Variants in FANCB observed in about 807,000 individuals in gnomAD.
The protein encoded by FANCB is FA complementation group B, also known as Fanconi anemia group B protein.
FANCB carries 5 observed loss-of-function variants against 38.9 expected under a neutral mutation model. The observed-to-expected ratio is 0.13, with a 90% CI of 0.07 to 0.27. The LOEUF (loss-of-function observed/expected upper bound fraction) is 0.27, where lower values mean the gene tolerates loss of function less well. FANCB is among the 10% of genes least tolerant of loss of function. The pLI, the probability that FANCB is intolerant of heterozygous loss-of-function variation, is 1.00. For synonymous variants in FANCB, 236 were observed against 215.4 expected, an observed-to-expected ratio of 1.10 and a Z score of -0.84; for missense variants, 573 against 602.7, an observed-to-expected ratio of 0.95 and a Z score of 0.52.
At chrX:14,859,761 G>C (rs972141048) in intron 3 of FANCB, among the ~76,000 whole-genome samples, 8 of 111,841 alleles carry the variant, frequency 7.2e-5, no homozygotes, top group Admixed American at 1.9e-4. Context: ...TAGTGTATAT[G>C]TATTTATGAT....
At chrX:14,749,467 T>G in the FANCB span, among the ~76,000 whole-genome samples, 2 of 111,515 alleles carry the variant, frequency 1.8e-5, no homozygotes, top group African/African-American at 6.5e-5. Flanking sequence ...TGCCAGATAT[T>G]GTTATGTAGT....
the FANCB span, among the ~76,000 whole-genome samples, chrX:14,798,564 A>C: frequency 8.9e-6 from 1 of 112,604 alleles, no homozygotes; most frequent in African/African-American, 3.2e-5. Context: ...TCAAAATCAT[A>C]TGTAGTCTAA....
chrX:14,849,863 A>G (rs2092393333), intron 7 of FANCB, among the ~76,000 whole-genome samples: 1 of 112,035 alleles, frequency 8.9e-6, no homozygotes, highest in African/African-American at 3.2e-5. Context: ...CCAAGAGAGT[A>G]GCTATTAGAT....
chrX:14,734,371 T>A, the FANCB span, among the ~76,000 whole-genome samples: 1 of 112,516 alleles, frequency 8.9e-6, no homozygotes, highest in Non-Finnish European at 1.9e-5. Flanking sequence ...TGGTTTTTCC[T>A]TTCCCTATTT....
downstream of FANCB, among the ~76,000 whole-genome samples, chrX:14,833,916 G>A (rs2092334249): frequency 8.9e-6 from 1 of 111,846 alleles, no homozygotes; most frequent in South Asian, 3.7e-4. Flanking sequence ...GATCACTTGT[G>A]CCTGGGAGGT....
intron 7 of FANCB, among the ~76,000 whole-genome samples, chrX:14,849,436 C>T (rs2092391500): frequency 9.0e-6 from 1 of 111,709 alleles, no homozygotes; most frequent in Non-Finnish European, 1.9e-5. Flanking sequence ...AAATATACTG[C>T]CATCACCTAT....
the FANCB span, among the ~76,000 whole-genome samples, chrX:14,823,222 A>G: frequency 9.3e-6 from 1 of 107,076 alleles, no homozygotes; most frequent in Non-Finnish European, 1.9e-5. Flanking sequence ...AGCTGGGATT[A>G]CAGGCATGCA....
the FANCB span, among the ~76,000 whole-genome samples, chrX:14,767,877 G>A: frequency 2.7e-5 from 3 of 112,032 alleles, no homozygotes; most frequent in Non-Finnish European, 3.8e-5. Flanking sequence ...TGCAAGGAAG[G>A]AGTCCAGTTT....
At chrX:14,860,337 CAG>C (rs749140876) in intron 3 of FANCB, among the ~76,000 whole-genome samples, 5 of 112,156 alleles carry the variant, frequency 4.5e-5, no homozygotes, top group East Asian at 5.6e-4. Flanking sequence ...TTCACTTGTG[CAG>C]AGAGACAGCT....
chrX:14,690,607 C>A, the FANCB span: 1 of 538,566 alleles, frequency 1.9e-6, no homozygotes, highest in Non-Finnish European at 3.1e-6. Flanking sequence ...GGTTATTTTG[C>A]TGCTCACACC....
chrX:14,775,176 T>TTTTG, the FANCB span, among the ~76,000 whole-genome samples: 1 of 97,692 alleles, frequency 1.0e-5, no homozygotes, highest in Non-Finnish European at 2.1e-5. Context: ...TTTTTTTTTT[T>TTTTG]TTTTTTTTTT....
the FANCB span, among the ~76,000 whole-genome samples, chrX:14,765,397 A>C: frequency 1.8e-5 from 2 of 111,917 alleles, no homozygotes; most frequent in African/African-American, 6.5e-5. Flanking sequence ...AGGACTAATA[A>C]AATATGTAAC....
At chrX:14,813,771 A>G in the FANCB span, among the ~76,000 whole-genome samples, 1 of 111,937 alleles carries the variant, frequency 8.9e-6, no homozygotes, top group Admixed American at 9.5e-5. Flanking sequence ...TATAGATTCA[A>G]TGCCATCCCC....
At chrX:14,847,659 A>G (rs1381445298) in intron 7 of FANCB, among the ~76,000 whole-genome samples, 1 of 111,402 alleles carries the variant, frequency 9.0e-6, no homozygotes, top group Non-Finnish European at 1.9e-5. Flanking sequence ...AGGAAAAAAA[A>G]AAAAAGAAAT....
Position 14,844,084 on chromosome X carries a change from AT to A in FANCB, c.2166-104del, listed in dbSNP as rs1180461738. 1.5e-5 allele frequency: 10 copies of A among 671,181 alleles called. No homozygotes were observed. The East Asian group carries it at 2.7e-4, about 18-fold the overall frequency. 55.3% of individuals were successfully genotyped at this position (671,181 alleles called of 1,213,427 possible). ...CAATTAATATTCATTTATAAACACC[AT>A]AATGATAAACAGAACCAATTATGTA... On this transcript the variant is annotated intron_variant, in intron 9 of 9. Transcript: ENST00000650831.
the FANCB span, among the ~76,000 whole-genome samples, chrX:14,698,090 A>C: frequency 8.9e-6 from 1 of 111,945 alleles, no homozygotes; most frequent in Non-Finnish European, 1.9e-5. Context: ...AGGGTGAGGC[A>C]AGGTGAAGCA....
chrX:14,862,438 C>A (rs992616761), intron 3 of FANCB: 8 of 111,601 alleles, frequency 7.2e-5, no homozygotes, highest in Non-Finnish European at 1.1e-4. Context: ...AGGGAAGCAG[C>A]AATTATAGGT....
chrX:14,701,523 T>C, the FANCB span, among the ~76,000 whole-genome samples: 1 of 111,250 alleles, frequency 9.0e-6, no homozygotes, highest in East Asian at 2.8e-4. Context: ...CTGAGGGTTT[T>C]GCCAGACAGG....
At position 14,850,428 on chromosome X, in the gene FANCB, G is replaced by A. The variant is rs148970493; in HGVS notation, c.1496+77C>T. The stretch of plus-strand genomic sequence containing the variant: ...GCCTCTAGAACATTTAAAATTGCAC[G>A]TGGCTTACATTAATTTCTATTGGAC... On this transcript the variant is annotated intron_variant, in intron 7 of 9. Transcript: ENST00000650831. 4,463 of 780,017 alleles carry A rather than the reference G, an allele frequency of 5.7e-3. 53 individuals carry two copies. Among genetic ancestry groups the A allele is most frequent in the African/African-American group, 0.043 (2,093 of 48,733 alleles). 64.3% of individuals were successfully genotyped at this position (780,017 alleles called of 1,213,427 possible). A position where few individuals can be genotyped will look rare whatever the true frequency, so the allele number is the denominator to read the frequency against.
Sources: gnomAD v4.1 joint callset for allele counts (sites outside exome capture counted in the v4.1 genomes callset) on GRCh38, gnomAD v4.1.1 for gene constraint, MANE v1.5 for transcripts, NCBI Gene and HGNC (gene_info 2026-07-23, HGNC 2026-07-21) for gene names.